SYT6: variants seen among roughly 807,000 people sequenced by gnomAD.
SYT6 encodes synaptotagmin 6.
Under a neutral mutation model 38.4 loss-of-function variants are expected in SYT6, and 24 were observed. The observed-to-expected ratio is 0.62, with a 90% CI of 0.45 to 0.88. The LOEUF (loss-of-function observed/expected upper bound fraction) is 0.88. Ranked by LOEUF, SYT6 falls within the 40% of genes least tolerant of loss-of-function variation. SYT6 has a pLI of 0.00. For synonymous variants in SYT6, 265 were observed against 241.9 expected (o/e 1.10, Z -0.89); for missense variants, 611 against 621.0 (o/e 0.98, Z 0.17).
chr1:114,119,950 A>G (rs1021387330), intron 3 of SYT6, among the ~76,000 whole-genome samples: 2 of 152,002 alleles, frequency 1.3e-5, no homozygotes, highest in African/African-American at 4.8e-5. Context: ...AGGCACCTGT[A>G]GTCCCAGCTA....
intron 3 of SYT6, among the ~76,000 whole-genome samples, chr1:114,117,851 T>C (rs1008638113): frequency 1.3e-5 from 2 of 152,218 alleles, no homozygotes; most frequent in African/African-American, 4.8e-5. Flanking sequence ...ATGAGAGCAT[T>C]GTACCAGATG....
Position 114,147,619 on chromosome 1 carries a change from A to T in SYT6, c.163+5991T>A, listed in dbSNP as rs111656277. On this transcript the variant is annotated intron_variant, in intron 1 of 7. Transcript: ENST00000610222. The stretch of plus-strand genomic sequence containing the variant: ...TGAAACTGAACTCACAGGTGCTCAG[A>T]CACAGGATGGACATCTCAGGTGGGC... Among the ~76,000 whole-genome samples, 704 of 152,330 alleles carry T rather than the reference A, an allele frequency of 4.6e-3. 2 individuals carry two copies. Among genetic ancestry groups the T allele is most frequent in the Middle Eastern group, 0.01 (3 of 294 alleles).
intron 3 of SYT6, among the ~76,000 whole-genome samples, chr1:114,120,014 T>C (rs1677287147): frequency 6.8e-6 from 1 of 147,452 alleles, no homozygotes; most frequent in Non-Finnish European, 1.5e-5. Context: ...GAACTTGCAG[T>C]GAGCCGAGAT....
chr1:114,145,251 A>C (rs1679098442), intron 1 of SYT6, among the ~76,000 whole-genome samples: 1 of 152,238 alleles, frequency 6.6e-6, no homozygotes. Flanking sequence ...ATTCAACATT[A>C]CTATGTCTAA....
At chr1:114,141,959 A>G (rs1448087585) in intron 1 of SYT6, among the ~76,000 whole-genome samples, 1 of 152,236 alleles carries the variant, frequency 6.6e-6, no homozygotes, top group Non-Finnish European at 1.5e-5. Context: ...TACTGCTCAG[A>G]AGAAATGATT....
At chr1:114,149,217 TTG>T (rs879834403) in intron 1 of SYT6, among the ~76,000 whole-genome samples, 19 of 37,922 alleles carry the variant, frequency 5.0e-4, no homozygotes, top group East Asian at 1.0e-3. Context: ...GAGAGAGAGA[TTG>T]TGTGTGTGTG....
rs1675162348 is a variant in SYT6, at chr1:114,089,301, G to C, written c.*2833C>G. On this transcript the variant is annotated 3_prime_UTR_variant, in exon 8 of 8. Coordinates refer to ENST00000610222, the MANE Select transcript of SYT6 (RefSeq NM_001253772.2). ...AAAATGACAAGAGAAATGGGCAAGA[G>C]ACAGAGATTTAATTGAATAAAAACT... 1 of 152,754 alleles carries C rather than the reference G, an allele frequency of 6.5e-6. No homozygotes were observed. The highest frequency in any genetic ancestry group is 2.1e-4 in the South Asian group (1 of 4,832). 9.5% of individuals were successfully genotyped at this position (152,754 alleles called of 1,614,324 possible). A position where few individuals can be genotyped will look rare whatever the true frequency, so the allele number is the denominator to read the frequency against.
chr1:114,151,807 A>G (rs909467017), intron 1 of SYT6, among the ~76,000 whole-genome samples: 4 of 152,106 alleles, frequency 2.6e-5, no homozygotes, highest in African/African-American at 7.2e-5. Context: ...GTAGGAGGGG[A>G]TGGCACCAGA....
chr1:114,133,335 C>T (rs575722493), intron 3 of SYT6, among the ~76,000 whole-genome samples: 4 of 152,124 alleles, frequency 2.6e-5, no homozygotes, highest in Non-Finnish European at 4.4e-5. Flanking sequence ...GAGGGAATAG[C>T]GACAGGAATA....
chr1:114,090,416 C>T lies in SYT6; in HGVS notation c.*1718G>A, dbSNP rs1199496882. 1 of 152,366 alleles carries T rather than the reference C, an allele frequency of 6.6e-6. No individual in the cohort carries two copies. The highest frequency in any genetic ancestry group is 1.5e-5 in the Non-Finnish European group (1 of 68,040). 9.4% of individuals were successfully genotyped at this position (152,366 alleles called of 1,614,324 possible). A position where few individuals can be genotyped will look rare whatever the true frequency, so the allele number is the denominator to read the frequency against. On this transcript the variant is annotated 3_prime_UTR_variant, in exon 8 of 8. Transcript: ENST00000610222. Reference sequence around the variant, plus strand: ...TCTAAGCAGAAAATTCCTTTTGCCACAATATCCTGTTAACTCATGCCCAAC... The same window carrying T: ...TCTAAGCAGAAAATTCCTTTTGCCATAATATCCTGTTAACTCATGCCCAAC...
rs1436671996 is a variant in SYT6 at position 114,103,629 on chromosome 1, G to A, written c.1164C>T (p.Leu388=). The A allele has an allele frequency of 8.7e-6, 14 of 1,614,214 alleles. No individual in the cohort carries two copies. Among genetic ancestry groups the A allele is most frequent in the South Asian group, 2.2e-5 (2 of 91,080 alleles). The change falls in exon 4 of 8, where the codon CTC becomes CTT. Residue 388 remains leucine (L), a synonymous_variant. Transcript: ENST00000610222. ...AATAGCCTGTGATGTCCATCGCCTTGAGGTTCCGACACTTAATCACTGTGA... is the reference window on the plus strand; with the variant it reads ...AATAGCCTGTGATGTCCATCGCCTTAAGGTTCCGACACTTAATCACTGTGA... ...LTLTVIKCRN[L]KAMDITGYSD...
chr1:114,139,952 T>C lies in SYT6; in HGVS notation c.175A>G (p.Ser59Gly), dbSNP rs1252244066. The C allele has an allele frequency of 6.0e-6, 9 of 1,500,918 alleles. No homozygotes were observed. Among genetic ancestry groups the C allele is most frequent in the Middle Eastern group, 1.8e-4 (1 of 5,574 alleles). 93.0% of individuals were successfully genotyped at this position (1,500,918 alleles called of 1,614,324 possible). A position where few individuals can be genotyped will look rare whatever the true frequency, so the allele number is the denominator to read the frequency against. ...ACAATAACTACAACTGCGAGGAGGC[T>C]GACAGAGGTGCCTGCCCTCGGCATG... Reference protein sequence around the residue: ...PSAAGAGTSVSLLAVVVIVCG... With the variant: ...PSAAGAGTSVGLLAVVVIVCG... Residue 59 changes from serine (S) to glycine (G), a missense_variant, in exon 2 of 8, where the codon AGC (serine) becomes GGC (glycine). Ser to Gly is a moderately conservative substitution (Grantham distance 56, BLOSUM62 0). Transcript: ENST00000610222.
intron 3 of SYT6, among the ~76,000 whole-genome samples, chr1:114,109,103 T>C (rs1241183954): frequency 6.6e-6 from 1 of 152,072 alleles, no homozygotes; most frequent in Non-Finnish European, 1.5e-5. Context: ...GTGTTGGGGG[T>C]ACAGAGATGA....
At chr1:114,107,228 G>A (rs1676379903) in intron 3 of SYT6, among the ~76,000 whole-genome samples, 1 of 152,220 alleles carries the variant, frequency 6.6e-6, no homozygotes, top group African/African-American at 2.4e-5. Context: ...GTCCCTCGGG[G>A]TAAACAGCAT....
In SYT6 at chr1:114,138,058, T is replaced by C. The variant is rs765645607; in HGVS notation, c.513-5A>G. 7.4e-6 allele frequency: 12 copies of C among 1,611,798 alleles called. No homozygotes were observed. In the South Asian group the frequency reaches 8.8e-5, roughly 12 times the overall value. The stretch of plus-strand genomic sequence containing the variant: ...TGGCGCTTGAAGGACGTGTGCCTGG[T>C]AGAGGGCAGGAGGGGGCAGAGGGAG... On this transcript the variant is annotated splice_polypyrimidine_tract_variant and splice_region_variant and intron_variant, in intron 2 of 7. Transcript: ENST00000610222.
intron 6 of SYT6, among the ~76,000 whole-genome samples, chr1:114,095,115 G>A (rs1389508250): frequency 6.6e-6 from 1 of 152,172 alleles, no homozygotes; most frequent in Non-Finnish European, 1.5e-5. Flanking sequence ...TGGCAGGATC[G>A]TGCGTGGGGG....
At chr1:114,092,330 CTCTCTCTCTGTG>C (rs59370505) in intron 7 of SYT6, among the ~76,000 whole-genome samples, 5,683 of 148,982 alleles carry the variant, frequency 0.038, 530 homozygotes, top group East Asian at 0.37. Context: ...CTCTCTCTCT[CTCTCTCTCTGTG>C]TGTGTGTGTG....
rs1209925807 is a variant in SYT6, at chr1:114,089,476, G to A, written c.*2658C>T. The A allele has an allele frequency of 6.6e-6, 1 of 152,490 alleles. No individual in the cohort carries two copies. The highest frequency in any genetic ancestry group is 1.5e-5 in the Non-Finnish European group (1 of 68,022). 9.4% of individuals were successfully genotyped at this position (152,490 alleles called of 1,614,324 possible). A position where few individuals can be genotyped will look rare whatever the true frequency, so the allele number is the denominator to read the frequency against. On this transcript the variant is annotated 3_prime_UTR_variant, in exon 8 of 8. Coordinates refer to ENST00000610222, the MANE Select transcript of SYT6 (RefSeq NM_001253772.2). The stretch of plus-strand genomic sequence containing the variant: ...AAACACTGCTAAATAAAGGAGAAGG[G>A]AACTTTTCATGTTTTTTAAAAAAAC...
rs149899868 is a variant in SYT6 at position 114,099,095 on chromosome 1, G to A, written c.1363C>T (p.Arg455Ter). The part of the protein sequence containing the change: ...SLLISVMDYD[R>*]VGHNEIIGVC... ...CGTCCCTCTAGGACGCCTACCTACC[G>A]ATCATAGTCCATGACTGAGATGAGC... Residue 455 changes from arginine (R) to a stop codon, truncating the protein, a stop_gained and splice_region_variant, in exon 5 of 8, where the codon CGA becomes TGA. Coordinates refer to ENST00000610222, the MANE Select transcript of SYT6 (RefSeq NM_001253772.2). LOFTEE classifies it high-confidence loss of function. The A allele has an allele frequency of 8.1e-6, 13 of 1,611,578 alleles. No homozygotes were observed. The highest frequency in any genetic ancestry group is 9.3e-6 in the Non-Finnish European group (11 of 1,178,718).
Sources: allele counts gnomAD v4.1 joint callset (sites outside exome capture counted in the v4.1 genomes callset), GRCh38; gene constraint gnomAD v4.1.1; transcripts MANE v1.5; gene names NCBI Gene and HGNC (gene_info 2026-07-23, HGNC 2026-07-21).